Variants in RTL9 observed in about 807,000 individuals in gnomAD.
RTL9 encodes the protein retrotransposon Gag-like protein 9.
In RTL9, 19 loss-of-function variants were observed where a neutral mutation model predicts 44.7. The ratio of observed to expected loss-of-function variants is 0.42; its 90% CI spans 0.30 to 0.62. The LOEUF is 0.62. Ranked by LOEUF, RTL9 falls within the 20% of genes least tolerant of loss-of-function variation. RTL9 has a pLI of 0.16. For synonymous variants in RTL9, 407 were observed against 398.9 expected, an observed-to-expected ratio of 1.02 and a Z score of -0.24; for missense variants, 1,105 against 1,080.6, an observed-to-expected ratio of 1.02 and a Z score of -0.32.
At chrX:110,370,908 C>T (rs889963502) in intron 1 of RTL9, among the ~76,000 whole-genome samples, 1 of 112,179 alleles carries the variant, frequency 8.9e-6, no homozygotes, top group Non-Finnish European at 1.9e-5. Context: ...ACTCTTTTCA[C>T]ATCTTCTGCA....
At chrX:110,451,679 A>G (rs1240101641) in exon 1 of RTL9, 1 of 1,209,558 alleles carries the variant, frequency 8.3e-7, no homozygotes, top group Non-Finnish European at 1.1e-6. Context: ...TGACGGCCCT[A>G]CCCTCTGGAG....
intron 1 of RTL9, among the ~76,000 whole-genome samples, chrX:110,373,696 T>C (rs1442707735): frequency 8.9e-6 from 1 of 112,182 alleles, no homozygotes; most frequent in Admixed American, 9.4e-5. Context: ...CCCTCATGTA[T>C]GAAAGAACTT....
intron 1 of RTL9, among the ~76,000 whole-genome samples, chrX:110,442,198 T>C (rs750003864): frequency 6.5e-5 from 7 of 107,923 alleles, no homozygotes; most frequent in Non-Finnish European, 1.3e-4. Context: ...ATTGTTGCTA[T>C]ATTGGAATTT....
In RTL9 at chrX:110,450,753, GT is replaced by G. The variant is rs1244751527; in HGVS notation, c.137del (p.Val46AspfsTer5). Reference sequence around the variant, plus strand: ...AGACGTACAGATTCTGCATTCTCATGTACAGTTGCCTATAGTCTCAACTTCA... The same window carrying G: ...AGACGTACAGATTCTGCATTCTCATGACAGTTGCCTATAGTCTCAACTTCA... On this transcript the variant is annotated frameshift_variant, in exon 1 of 2. Coordinates refer to ENST00000540313, the Ensembl canonical transcript of RTL9. LOFTEE classifies it high-confidence loss of function. 2 of 1,209,870 alleles carry G rather than the reference GT, an allele frequency of 1.7e-6. No homozygotes were observed. The highest frequency in any genetic ancestry group is 2.2e-6 in the Non-Finnish European group (2 of 895,219).
At chrX:110,453,574 G>A in exon 1 of RTL9, 4 of 1,212,074 alleles carry the variant, frequency 3.3e-6, no homozygotes, top group Non-Finnish European at 4.5e-6. Flanking sequence ...ATGGCCTCTG[G>A]AGCAACGTCC....
exon 1 of RTL9, chrX:110,453,767 T>C (rs772377237): frequency 1.7e-6 from 2 of 1,209,531 alleles, no homozygotes; most frequent in African/African-American, 3.5e-5. Flanking sequence ...CCACAGCCTC[T>C]GGATGTGGCA....
intron 1 of RTL9, among the ~76,000 whole-genome samples, chrX:110,420,603 T>C (rs761898517): frequency 3.2e-4 from 36 of 112,056 alleles, no homozygotes; most frequent in Non-Finnish European, 5.3e-4. Flanking sequence ...TTAAACAAAC[T>C]TTCAGTGTTC....
chrX:110,387,365 A>G (rs73636962), intron 1 of RTL9, among the ~76,000 whole-genome samples: 4,318 of 112,025 alleles, frequency 0.039, 208 homozygotes, highest in African/African-American at 0.13. Flanking sequence ...CTGCTAAAAC[A>G]TTTAACTGGA....
intron 1 of RTL9, among the ~76,000 whole-genome samples, chrX:110,390,179 C>T (rs905002627): frequency 2.7e-5 from 3 of 111,552 alleles, no homozygotes; most frequent in Non-Finnish European, 5.6e-5. Context: ...TGATGGGATT[C>T]AAGGCTGAAT....
intron 1 of RTL9, among the ~76,000 whole-genome samples, chrX:110,392,228 C>G (rs1201449306): frequency 9.1e-6 from 1 of 110,095 alleles, no homozygotes; most frequent in Non-Finnish European, 1.9e-5. Context: ...GGTCCAGAAC[C>G]CAAAATGTAG....
intron 1 of RTL9, among the ~76,000 whole-genome samples, chrX:110,375,377 C>G (rs2068368963): frequency 8.9e-6 from 1 of 111,934 alleles, no homozygotes; most frequent in African/African-American, 3.3e-5. Flanking sequence ...CAACTTTGTG[C>G]AGATTACTTA....
exon 1 of RTL9, chrX:110,450,680 C>T (rs2068933571): frequency 1.7e-6 from 2 of 1,208,736 alleles, no homozygotes; most frequent in African/African-American, 3.5e-5. Context: ...ATGTTGAGCC[C>T]CAAAACAAGC....
intron 1 of RTL9, among the ~76,000 whole-genome samples, chrX:110,429,458 G>GTTTTTTTTTTTTTGTTTTTT (rs2068779291): frequency 1.2e-5 from 1 of 80,932 alleles, no homozygotes; most frequent in African/African-American, 4.5e-5. Flanking sequence ...GAGAAAAAGT[G>GTTTTTTTTTTTTTGTTTTTT]TTTTTTTTTT....
intron 1 of RTL9, among the ~76,000 whole-genome samples, chrX:110,406,524 G>C (rs979955481): frequency 9.0e-6 from 1 of 111,633 alleles, no homozygotes; most frequent in Admixed American, 9.5e-5. Flanking sequence ...CATTTGGGTT[G>C]GTTCCAAGTC....
exon 1 of RTL9, chrX:110,453,598 G>A: frequency 4.9e-6 from 6 of 1,212,158 alleles, no homozygotes; most frequent in Non-Finnish European, 6.7e-6. Flanking sequence ...TTGCAAACCA[G>A]TGTTGCGAAC....
At chrX:110,387,947 C>T (rs1380493232) in intron 1 of RTL9, among the ~76,000 whole-genome samples, 6 of 106,084 alleles carry the variant, frequency 5.7e-5, no homozygotes, top group Non-Finnish European at 1.2e-4. Flanking sequence ...CTGCAAGCTC[C>T]GCCTCCCGGG....
chrX:110,366,172 G>A (rs1339639979), intron 1 of RTL9, among the ~76,000 whole-genome samples: 3 of 111,643 alleles, frequency 2.7e-5, no homozygotes, highest in Admixed American at 9.5e-5. Context: ...TCCCCAACAT[G>A]ATTCCTAAGC....
rs750506058 is a variant in RTL9, at chrX:110,454,685, T to A, written c.4047+21T>A. ...AGGAGGTAATGAGGGGGAAATCCGC[T>A]GAAGGTTTTTGAGCAGAGAAATGAG... On this transcript the variant is annotated intron_variant, in intron 1 of 1. Coordinates refer to ENST00000540313, the Ensembl canonical transcript of RTL9. 15 of 1,131,880 alleles carry A rather than the reference T, an allele frequency of 1.3e-5. No individual in the cohort carries two copies. In the African/African-American group the frequency reaches 2.2e-4, roughly 16 times the overall value. The allele number at this position is 1,131,880 out of a possible 1,213,427, so 93.3% of individuals were successfully genotyped here. A position where few individuals can be genotyped will look rare whatever the true frequency, so the allele number is the denominator to read the frequency against.
chrX:110,382,046 A>T (rs747101983), intron 1 of RTL9, among the ~76,000 whole-genome samples: 3 of 111,911 alleles, frequency 2.7e-5, no homozygotes, highest in Non-Finnish European at 5.6e-5. Flanking sequence ...TTTTAGACAG[A>T]TTAATCTAAT....
Sources: allele counts gnomAD v4.1 joint callset (sites outside exome capture counted in the v4.1 genomes callset), GRCh38; gene constraint gnomAD v4.1.1; transcripts MANE v1.5; gene names NCBI Gene and HGNC (gene_info 2026-07-23, HGNC 2026-07-21).